ANKRD26: variants seen among roughly 807,000 people sequenced by gnomAD.
ANKRD26 encodes the protein ankyrin repeat domain 26.
Under a neutral mutation model 208.7 loss-of-function variants are expected in ANKRD26, and 141 were observed. That is an observed-to-expected ratio of 0.68 (90% CI 0.59 to 0.78). The LOEUF is 0.78. ANKRD26 is among the 30% of genes least tolerant of loss of function. The pLI, the probability that ANKRD26 is intolerant of heterozygous loss-of-function variation, is 0.00. For synonymous variants in ANKRD26, 636 were observed against 660.4 expected, an observed-to-expected ratio of 0.96 and a Z score of 0.57; for missense variants, 1,889 against 1,938.7, an observed-to-expected ratio of 0.97 and a Z score of 0.48.
chr10:26,992,892 A>AG (rs2052515632), intron 5 of ANKRD26, among the ~76,000 whole-genome samples: 1 of 152,160 alleles, frequency 6.6e-6, no homozygotes, highest in Non-Finnish European at 1.5e-5. Flanking sequence ...TACAACATTG[A>AG]GTTTTTATGA....
Position 27,037,967 on chromosome 10 carries a change from CTCT to C in ANKRD26, c.2460_2462del (p.Glu821del). 3 of 1,613,066 alleles carry C rather than the reference CTCT, an allele frequency of 1.9e-6. No individual in the cohort carries two copies. The highest frequency in any genetic ancestry group is 1.7e-4 in the Middle Eastern group (1 of 6,032). On this transcript the variant is annotated inframe_deletion, in exon 22 of 34. Transcript: ENST00000376087. ...TCACTTCAACTTCTTTCCTATATTGCTCTTCTTTTCTTCTTAACTGTTCCCTAA... is the reference window on the plus strand; with the variant it reads ...TCACTTCAACTTCTTTCCTATATTGCTCTTTTCTTCTTAACTGTTCCCTAA...
intron 3 of ANKRD26, among the ~76,000 whole-genome samples, chr10:26,986,813 C>A (rs1420560906): frequency 6.6e-6 from 1 of 152,212 alleles, no homozygotes; most frequent in African/African-American, 2.4e-5. Context: ...GAAATAGGAA[C>A]ACTTTTACAC....
intron 9 of ANKRD26, chr10:27,076,873 A>G (rs1294438445): frequency 6.3e-6 from 1 of 159,506 alleles, no homozygotes; most frequent in Non-Finnish European, 1.4e-5. Context: ...CCAACAAGAA[A>G]AAAACCCAGG....
chr10:26,964,668 C>T, the ANKRD26 span, among the ~76,000 whole-genome samples: 1 of 152,066 alleles, frequency 6.6e-6, no homozygotes, highest in African/African-American at 2.4e-5. Flanking sequence ...GAATGGGGTC[C>T]CCTGAGGTTG....
At chr10:27,024,755 A>T (rs1366934694) in intron 27 of ANKRD26, among the ~76,000 whole-genome samples, 196 bp from the exon 28 acceptor site, 1 of 152,178 alleles carries the variant, frequency 6.6e-6, no homozygotes. Context: ...CTGGAATTTA[A>T]ATTACCAAAA....
rs969448424 is a variant in ANKRD26, at chr10:27,043,580, T to C, written c.2020-13A>G. On this transcript the variant is annotated splice_polypyrimidine_tract_variant and intron_variant, in intron 19 of 33. Transcript: ENST00000376087. Reference sequence around the variant, plus strand: ...TTTGGTTTTTGACCTATGAAATAAATAACACTGTTTCAAAATGTCCCCAGA... The same window carrying C: ...TTTGGTTTTTGACCTATGAAATAAACAACACTGTTTCAAAATGTCCCCAGA... 1 of 1,609,356 alleles carries C rather than the reference T, an allele frequency of 6.2e-7. No individual in the cohort carries two copies. Among genetic ancestry groups the C allele is most frequent in the Non-Finnish European group, 8.5e-7 (1 of 1,176,094 alleles).
downstream of ANKRD26, among the ~76,000 whole-genome samples, chr10:26,971,441 G>A (rs1229148888): frequency 1.3e-5 from 2 of 151,728 alleles, no homozygotes; most frequent in African/African-American, 4.8e-5. Context: ...TTGGGAGGCT[G>A]AGGTTGGCAG....
intron 3 of ANKRD26, among the ~76,000 whole-genome samples, chr10:26,984,226 C>T (rs1343421571): frequency 3.3e-5 from 5 of 152,278 alleles, no homozygotes; most frequent in African/African-American, 9.6e-5. Context: ...ATGGCTAATA[C>T]ACAATAAACA....
Position 27,037,792 on chromosome 10 carries a change from A to G in ANKRD26, c.2559+79T>C. ...CAGTTTTGTTTTAAACCTAGATAAC[A>G]TATATTAAATCAAAAGGATGTGATA... On this transcript the variant is annotated intron_variant, in intron 22 of 33. Coordinates refer to ENST00000376087, the MANE Select transcript of ANKRD26 (RefSeq NM_014915.3). 4 of 1,159,298 alleles carry G rather than the reference A, an allele frequency of 3.5e-6. 1 individual carries two copies. Among genetic ancestry groups the G allele is most frequent in the South Asian group, 1.4e-5 (1 of 71,396 alleles). 71.8% of individuals were successfully genotyped at this position (1,159,298 alleles called of 1,614,324 possible). A position where few individuals can be genotyped will look rare whatever the true frequency, so the allele number is the denominator to read the frequency against.
At chr10:26,997,560 G>A (rs552391032) in intron 4 of ANKRD26, among the ~76,000 whole-genome samples, 6 of 152,200 alleles carry the variant, frequency 3.9e-5, no homozygotes, top group East Asian at 1.9e-4. Flanking sequence ...CCTCTGAGGC[G>A]GTTTAACATT....
intron 29 of ANKRD26, among the ~76,000 whole-genome samples, chr10:27,018,940 G>A (rs769967316): frequency 2.0e-5 from 3 of 152,116 alleles, no homozygotes; most frequent in Admixed American, 6.6e-5. Flanking sequence ...AAGATTTTAT[G>A]GCTATTTTCA....
At chr10:27,066,749 A>G (rs1057287636) in intron 10 of ANKRD26, among the ~76,000 whole-genome samples, 1 of 152,172 alleles carries the variant, frequency 6.6e-6, no homozygotes, top group Admixed American at 6.5e-5. Flanking sequence ...CAAAAGAAAA[A>G]TATTTTTAAA....
intron 30 of ANKRD26, 36 bp from the exon 31 acceptor site, chr10:27,014,747 A>G (rs766711656): frequency 8.3e-6 from 13 of 1,559,074 alleles, no homozygotes; most frequent in Non-Finnish European, 1.1e-5. Context: ...TTAAAAATAT[A>G]TAACCTGAGT....
At chr10:27,010,858 C>T (rs2053077021) in intron 32 of ANKRD26, among the ~76,000 whole-genome samples, 1 of 152,092 alleles carries the variant, frequency 6.6e-6, no homozygotes, top group Admixed American at 6.6e-5. Flanking sequence ...AGGAAAATTT[C>T]ATGACTCTGA....
chr10:27,015,767 C>T (rs2053268407), intron 30 of ANKRD26, among the ~76,000 whole-genome samples: 1 of 152,166 alleles, frequency 6.6e-6, no homozygotes, highest in Non-Finnish European at 1.5e-5. Context: ...TCCTTTCCAC[C>T]AGTTTGCACC....
the ANKRD26 span, among the ~76,000 whole-genome samples, chr10:26,959,958 G>A: frequency 6.6e-6 from 1 of 152,096 alleles, no homozygotes; most frequent in African/African-American, 2.4e-5. Context: ...TCAAGAGGTG[G>A]TGTCAGCCTA....
intron 1 of ANKRD26, among the ~76,000 whole-genome samples, chr10:27,097,844 G>A (rs1237737431): frequency 6.6e-6 from 1 of 151,956 alleles, no homozygotes; most frequent in African/African-American, 2.4e-5. Context: ...ACTACAGAAG[G>A]GTTTCACTAC....
At chr10:27,013,718 A>C (rs2134913099) in intron 31 of ANKRD26, among the ~76,000 whole-genome samples, 1 of 152,288 alleles carries the variant, frequency 6.6e-6, no homozygotes, top group Non-Finnish European at 1.5e-5. Flanking sequence ...TATCTGGAAA[A>C]ATATTAGGCA....
intron 9 of ANKRD26, among the ~76,000 whole-genome samples, chr10:27,074,760 G>C (rs959455528): frequency 1.3e-5 from 2 of 151,622 alleles, no homozygotes; most frequent in South Asian, 2.1e-4. Flanking sequence ...TGAAGACAAG[G>C]CTTTCAAATT....
Sources: allele counts gnomAD v4.1 joint callset (sites outside exome capture counted in the v4.1 genomes callset), GRCh38; gene constraint gnomAD v4.1.1; transcripts MANE v1.5; gene names NCBI Gene and HGNC (gene_info 2026-07-23, HGNC 2026-07-21).